PTK2: variants seen among roughly 807,000 people sequenced by gnomAD.
The protein encoded by PTK2 is protein tyrosine kinase 2.
In PTK2, 45 loss-of-function variants were observed where a neutral mutation model predicts 150.1. The observed-to-expected ratio is 0.30, with a 90% CI of 0.24 to 0.38. The LOEUF (loss-of-function observed/expected upper bound fraction) is 0.38, where lower values mean the gene tolerates loss of function less well. Among genes scored for constraint, PTK2 ranks in the 10% least tolerant of loss-of-function variants. PTK2 has a pLI of 1.00. For synonymous variants in PTK2, 432 were observed against 449.2 expected (o/e 0.96, Z 0.48); for missense variants, 919 against 1,307.3 (o/e 0.70, Z 4.58).
At chr8:140,779,025 C>CT (rs2100080085) in intron 14 of PTK2, among the ~76,000 whole-genome samples, 1 of 151,852 alleles carries the variant, frequency 6.6e-6, no homozygotes, top group Non-Finnish European at 1.5e-5. Context: ...CTTTGGGAGG[C>CT]CAAGGAGGGC....
intron 1 of PTK2, among the ~76,000 whole-genome samples, chr8:140,954,292 A>G (rs1380909609): frequency 6.6e-6 from 1 of 151,504 alleles, no homozygotes; most frequent in Non-Finnish European, 1.5e-5. Flanking sequence ...TTGGTCTCAA[A>G]CTCCTGAACT....
At chr8:140,841,176 A>G (rs2100122126) in intron 7 of PTK2, among the ~76,000 whole-genome samples, 2 of 152,328 alleles carry the variant, frequency 1.3e-5, no homozygotes, top group South Asian at 4.1e-4. Flanking sequence ...AATCACACTA[A>G]AACATTTATA....
chr8:140,664,775 G>A, intron 31 of PTK2, 142 bp downstream of exon 35: 1 of 818,366 alleles, frequency 1.2e-6, no homozygotes, highest in South Asian at 1.5e-5. Context: ...GCCAGTGTTA[G>A]AGGGAAGGTC....
At chr8:140,944,328 T>C (rs896545446) in intron 1 of PTK2, among the ~76,000 whole-genome samples, 2 of 152,194 alleles carry the variant, frequency 1.3e-5, no homozygotes, top group South Asian at 2.1e-4. Context: ...AGTACAATAC[T>C]AGAGGGGAAA....
In PTK2 at chr8:140,878,651, C is replaced by T. The variant is rs1268884222; in HGVS notation, c.362+820G>A. Among the ~76,000 whole-genome samples the T allele has an allele frequency of 4.6e-5, 7 of 151,760 alleles. No homozygotes were observed. In the South Asian group the frequency reaches 1.5e-3, roughly 32 times the overall value. On this transcript the variant is annotated intron_variant, in intron 4 of 31. Coordinates refer to ENST00000522684, the Ensembl canonical transcript of PTK2. ...CATGTTTGTCTTTTAAAATGTCTAC[C>T]CTAATCAATCTAGATCCTTCAAAGT...
At chr8:140,664,296 A>G (rs143499410) in intron 31 of PTK2, among the ~76,000 whole-genome samples, 146 of 152,194 alleles carry the variant, frequency 9.6e-4, no homozygotes, top group African/African-American at 3.3e-3. Flanking sequence ...ATTTTTTAAG[A>G]CAATAATTTT....
chr8:140,920,693 C>T (rs1367317310), intron 2 of PTK2: 10 of 1,014,896 alleles, frequency 9.9e-6, no homozygotes, highest in South Asian at 2.1e-5. Context: ...AATCTATTTC[C>T]ATTTTTCCTT....
At chr8:140,666,817 C>T (rs2092301220) in intron 30 of PTK2, among the ~76,000 whole-genome samples, 1 of 152,172 alleles carries the variant, frequency 6.6e-6, no homozygotes, top group Non-Finnish European at 1.5e-5. Flanking sequence ...ATTTGTATAT[C>T]CATGTTCCTA....
At chr8:140,778,239 A>T (rs1177461010) in intron 14 of PTK2, among the ~76,000 whole-genome samples, 1 of 152,180 alleles carries the variant, frequency 6.6e-6, no homozygotes, top group Non-Finnish European at 1.5e-5. Flanking sequence ...AGGCTGAGGC[A>T]CATGGACCAC....
chr8:140,883,144 C>T (rs1224897672), intron 3 of PTK2, among the ~76,000 whole-genome samples: 5 of 152,148 alleles, frequency 3.3e-5, no homozygotes, highest in African/African-American at 9.7e-5. Context: ...CACCACTGTT[C>T]GAAATAGGTC....
At position 140,676,845 on chromosome 8, in the gene PTK2, G is replaced by A. The variant is rs189294183; in HGVS notation, c.2563-1346C>T. Among the ~76,000 whole-genome samples the A allele has an allele frequency of 6.8e-3, 1,015 of 148,808 alleles. 11 individuals carry two copies. The highest frequency in any genetic ancestry group is 0.024 in the African/African-American group (974 of 39,880). On this transcript the variant is annotated intron_variant, in intron 27 of 31. Coordinates refer to ENST00000522684, the Ensembl canonical transcript of PTK2. ...CCCAGCTACTTGGGAGGCCTGAGGCGGGAGAATTGCTTGAACCTGGTGGGG... is the reference window on the plus strand; with the variant it reads ...CCCAGCTACTTGGGAGGCCTGAGGCAGGAGAATTGCTTGAACCTGGTGGGG...
chr8:140,668,198 C>T, intron 30 of PTK2, 71 bp downstream of exon 34: 1 of 1,576,940 alleles, frequency 6.3e-7, no homozygotes, highest in Non-Finnish European at 8.7e-7. Context: ...CTAGAGACAT[C>T]TATCAACTGG....
In PTK2 at chr8:140,941,642, G is replaced by GA. The variant is rs1159301824; in HGVS notation, c.-121-15894dup. Among the ~76,000 whole-genome samples the GA allele has an allele frequency of 1.8e-4, 28 of 151,722 alleles. 1 individual carries two copies. Among genetic ancestry groups the GA allele is most frequent in the Admixed American group, 9.8e-4 (15 of 15,250 alleles). On this transcript the variant is annotated intron_variant, in intron 1 of 31. Coordinates refer to ENST00000522684, the Ensembl canonical transcript of PTK2. ...GGCTTTTTAACCAAGAGTTTATTGG[G>GA]AAAAAAAATGCTAAATGGCTGCTCC...
rs558147936 is a variant in PTK2 at position 140,663,300 on chromosome 8, A to G, written c.2946+1617T>C. On this transcript the variant is annotated intron_variant, in intron 31 of 31. Transcript: ENST00000522684. ...GTTAAAAGGCTGTGAAACTCAAAGG[A>G]AAGTTGGGAGTTCTCTCTATTAATC... 5.9e-5 allele frequency among the ~76,000 whole-genome samples: 9 copies of G among 151,936 alleles called. No homozygotes were observed. The South Asian group carries it at 1.7e-3, about 28-fold the overall frequency.
chr8:140,702,128 CAAAAAAAAAA>C (rs749591009), intron 25 of PTK2, among the ~76,000 whole-genome samples: 80 of 42,718 alleles, frequency 1.9e-3, no homozygotes, highest in African/African-American at 7.0e-3. Context: ...ACTCTGTCTC[CAAAAAAAAAA>C]AAAAAAAAAA....
intron 7 of PTK2, among the ~76,000 whole-genome samples, chr8:140,836,484 A>G (rs2100118710): frequency 6.6e-6 from 1 of 152,190 alleles, no homozygotes; most frequent in African/African-American, 2.4e-5. Context: ...TGACTGAGAA[A>G]CACTGATTGT....
Position 140,762,408 on chromosome 8 carries a change from G to GA in PTK2, c.1235-1147dup. ...AGCTTTCTGTATTGCAATTAAGAGA[G>GA]AAAAAAATTGAAGACCTTGCTTAGA... On this transcript the variant is annotated intron_variant, in intron 15 of 31. Transcript: ENST00000522684. 8.9e-7 allele frequency: 1 copy of GA among 1,125,818 alleles called. No individual in the cohort carries two copies. Among genetic ancestry groups the GA allele is most frequent in the Non-Finnish European group, 1.1e-6 (1 of 906,870 alleles). The allele number at this position is 1,125,818 out of a possible 1,614,324, so 69.7% of individuals were successfully genotyped here.
rs188152695 is a variant in PTK2, at chr8:140,912,757, G to A, written c.-33+12904C>T. On this transcript the variant is annotated intron_variant, in intron 2 of 31. Transcript: ENST00000522684. ...GGGCGGATCACAACATCAGGAGTTC[G>A]AGACCAGCCTGGCCAGTATGGTGAA... Among the ~76,000 whole-genome samples the A allele has an allele frequency of 7.3e-3, 1,114 of 152,074 alleles. 11 individuals are homozygous for A. Among genetic ancestry groups the A allele is most frequent in the African/African-American group, 0.025 (1,030 of 41,492 alleles).
chr8:140,981,484 G>A (rs2154609945), intron 1 of PTK2, among the ~76,000 whole-genome samples: 1 of 152,202 alleles, frequency 6.6e-6, no homozygotes, highest in Non-Finnish European at 1.5e-5. Flanking sequence ...TGTTGAAGCT[G>A]GGCAGGAGGT....
Sources: allele counts gnomAD v4.1 joint callset (sites outside exome capture counted in the v4.1 genomes callset), GRCh38; gene constraint gnomAD v4.1.1; transcripts MANE v1.5; gene names NCBI Gene and HGNC (gene_info 2026-07-23, HGNC 2026-07-21).